The following MCUB variants were observed in gnomAD, a reference collection of about 807,000 sequenced individuals.
MCUB encodes calcium uniporter regulatory subunit MCUb, mitochondrial.
A neutral mutation model predicts 41.4 loss-of-function variants in MCUB; 46 were observed. That is an observed-to-expected ratio of 1.11 (90% CI 0.88 to 1.42). The LOEUF (loss-of-function observed/expected upper bound fraction) is 1.42. Ranked by LOEUF, MCUB falls within the 40% of genes most tolerant of loss-of-function variation. MCUB has a pLI of 0.00. For missense variants in MCUB, 403 were observed against 404.9 expected (o/e 1.00, Z 0.04); for synonymous variants, 148 against 148.2 (o/e 1.00, Z 0.01).
At position 109,598,196 on chromosome 4, in the gene MCUB, G is replaced by A. The variant is rs568790734; in HGVS notation, c.99+37760G>A. ...CTCCTCACTTCCCAGACGGGGTGGCGGCCGGGCAGAGGATGCAATCTCGGC... is the reference window on the plus strand; with the variant it reads ...CTCCTCACTTCCCAGACGGGGTGGCAGCCGGGCAGAGGATGCAATCTCGGC... On this transcript the variant is annotated intron_variant, in intron 1 of 7. Coordinates refer to ENST00000394650, the MANE Select transcript of MCUB (RefSeq NM_017918.5). 1.4e-4 allele frequency among the ~76,000 whole-genome samples: 21 copies of A among 149,346 alleles called. No homozygotes were observed. In the East Asian group the frequency reaches 4.0e-3, roughly 28 times the overall value.
At chr4:109,598,428 A>C (rs1727638115) in intron 1 of MCUB, among the ~76,000 whole-genome samples, 1 of 152,112 alleles carries the variant, frequency 6.6e-6, no homozygotes, top group South Asian at 2.1e-4. Context: ...CCCCGTCTCC[A>C]CCAAAAAAAA....
intron 4 of MCUB, among the ~76,000 whole-genome samples, chr4:109,672,491 C>G (rs960601812): frequency 6.6e-6 from 1 of 152,176 alleles, no homozygotes; most frequent in South Asian, 2.1e-4. Context: ...CTTCTTCTCC[C>G]AGTAAGCTAT....
intron 4 of MCUB, among the ~76,000 whole-genome samples, chr4:109,675,233 G>A (rs906526855): frequency 2.0e-5 from 3 of 152,224 alleles, no homozygotes; most frequent in South Asian, 2.1e-4. Flanking sequence ...TGAAAGAGCA[G>A]AGCCAAGGGC....
At chr4:109,629,423 A>G (rs1271258452) in intron 1 of MCUB, among the ~76,000 whole-genome samples, 5 of 152,126 alleles carry the variant, frequency 3.3e-5, no homozygotes, top group African/African-American at 1.2e-4. Flanking sequence ...TTGCATGGAG[A>G]TTTCTCACCA....
intron 1 of MCUB, among the ~76,000 whole-genome samples, chr4:109,651,405 A>G (rs1431852825): frequency 2.6e-5 from 4 of 152,178 alleles, no homozygotes; most frequent in Non-Finnish European, 5.9e-5. Flanking sequence ...CATTTCTCCA[A>G]GGAGGCTTGC....
intron 1 of MCUB, among the ~76,000 whole-genome samples, chr4:109,604,328 T>G (rs892694255): frequency 2.0e-4 from 30 of 152,202 alleles, no homozygotes; most frequent in Admixed American, 5.2e-4. Context: ...ACTATTGTCC[T>G]GTGACCCTGC....
chr4:109,613,395 G>A (rs1183466153), intron 1 of MCUB, among the ~76,000 whole-genome samples: 1 of 152,182 alleles, frequency 6.6e-6, no homozygotes, highest in African/African-American at 2.4e-5. Context: ...TGCAACTGTA[G>A]TCATTACAAG....
intron 4 of MCUB, among the ~76,000 whole-genome samples, chr4:109,679,054 G>A (rs1396845844): frequency 6.6e-6 from 1 of 151,318 alleles, no homozygotes; most frequent in Non-Finnish European, 1.5e-5. Context: ...CCCAGATGGG[G>A]CAGCCAGGCA....
Position 109,612,275 on chromosome 4 carries a change from T to TC in MCUB, c.100-46736_100-46735insC, listed in dbSNP as rs1479933642. ...TCCTCCTCCTTTTCTTTTTTTTTTT[T>TC]TTTTTTTGAGAGCGTCTCACTCAGC... is the stretch of plus-strand genomic sequence containing the variant. On this transcript the variant is annotated intron_variant, in intron 1 of 7. Coordinates refer to ENST00000394650, the MANE Select transcript of MCUB (RefSeq NM_017918.5). Among the ~76,000 whole-genome samples, 7 of 147,706 alleles carry TC rather than the reference T, an allele frequency of 4.7e-5. 1 individual carries two copies. Among genetic ancestry groups the TC allele is most frequent in the Non-Finnish European group, 7.5e-5 (5 of 66,890 alleles).
intron 1 of MCUB, among the ~76,000 whole-genome samples, chr4:109,623,521 G>C (rs1047342726): frequency 2.6e-5 from 4 of 152,190 alleles, no homozygotes; most frequent in Admixed American, 2.0e-4. Flanking sequence ...CACGATAATT[G>C]TGGATAATAA....
intron 1 of MCUB, among the ~76,000 whole-genome samples, chr4:109,584,889 A>G (rs758018235): frequency 4.6e-5 from 7 of 152,136 alleles, no homozygotes; most frequent in Non-Finnish European, 1.0e-4. Context: ...TCAATTTTGG[A>G]GTAAGTGTGA....
intron 1 of MCUB, among the ~76,000 whole-genome samples, chr4:109,593,380 G>C (rs1443223558): frequency 6.6e-6 from 1 of 152,200 alleles, no homozygotes; most frequent in Non-Finnish European, 1.5e-5. Context: ...TTTTCCCATG[G>C]AGTTGGGGAA....
chr4:109,579,395 G>T (rs1287334333), intron 1 of MCUB, among the ~76,000 whole-genome samples: 1 of 151,620 alleles, frequency 6.6e-6, no homozygotes, highest in Admixed American at 6.6e-5. Context: ...GACTACAGGC[G>T]CATGCCACCA....
Position 109,635,926 on chromosome 4 carries a change from T to C in MCUB, c.100-23085T>C, listed in dbSNP as rs77758163. Among the ~76,000 whole-genome samples the C allele has an allele frequency of 4.4e-3, 670 of 152,344 alleles. 8 individuals carry two copies. Among genetic ancestry groups the C allele is most frequent in the African/African-American group, 0.016 (653 of 41,578 alleles). On this transcript the variant is annotated intron_variant, in intron 1 of 7. Transcript: ENST00000394650. ...ACTTTGTTTGTCTTTTAAGAACATA[T>C]GCAATTAATTATTTTGGTTTACACT... is the stretch of plus-strand genomic sequence containing the variant.
intron 1 of MCUB, among the ~76,000 whole-genome samples, chr4:109,565,193 A>G (rs1726742507): frequency 6.6e-6 from 1 of 152,252 alleles, no homozygotes; most frequent in South Asian, 2.1e-4. Flanking sequence ...AGATGAAACT[A>G]TGAGTACTGT....
chr4:109,675,734 G>A (rs1729560999), intron 4 of MCUB, among the ~76,000 whole-genome samples: 1 of 152,184 alleles, frequency 6.6e-6, no homozygotes, highest in Non-Finnish European at 1.5e-5. Flanking sequence ...ATGAATAGAT[G>A]AATGCCATTT....
rs142026559 is a variant in MCUB at position 109,576,730 on chromosome 4, C to T, written c.99+16294C>T. Among the ~76,000 whole-genome samples the T allele has an allele frequency of 1.6e-4, 25 of 152,094 alleles. No homozygotes were observed. In the East Asian group the frequency reaches 3.5e-3, roughly 21 times the overall value. On this transcript the variant is annotated intron_variant, in intron 1 of 7. Coordinates refer to ENST00000394650, the MANE Select transcript of MCUB (RefSeq NM_017918.5). ...AAAGGATGATTCACAGAGATGTGGG[C>T]GCAGGGGAACCACTAGGGATGGTGT...
chr4:109,621,445 T>A (rs765221614), intron 1 of MCUB, among the ~76,000 whole-genome samples: 1 of 152,058 alleles, frequency 6.6e-6, no homozygotes, highest in Non-Finnish European at 1.5e-5. Flanking sequence ...TTACCCTGCA[T>A]ATTTGAGGAA....
chr4:109,659,017 C>T lies in MCUB; in HGVS notation c.106C>T (p.Arg36Cys), dbSNP rs867198846. 1.2e-5 allele frequency: 18 copies of T among 1,527,066 alleles called. No individual in the cohort carries two copies. Among genetic ancestry groups the T allele is most frequent in the Non-Finnish European group, 1.6e-5 (18 of 1,125,080 alleles). 94.6% of individuals were successfully genotyped at this position (1,527,066 alleles called of 1,614,324 possible). A position where few individuals can be genotyped will look rare whatever the true frequency, so the allele number is the denominator to read the frequency against. The change falls in exon 2 of 8, where the codon CGT becomes TGT. Residue 36 changes from arginine (R) to cysteine (C), a missense_variant. Coordinates refer to ENST00000394650, the MANE Select transcript of MCUB (RefSeq NM_017918.5). ...WPLPPPPQVL[R>C]VKLCGNVKYY... The stretch of plus-strand genomic sequence containing the variant: ...TAATTTTTCCTTCTTGTAGGTTTTG[C>T]GTGTGAAGCTGTGTGGAAATGTGAA...
Sources: allele counts gnomAD v4.1 joint callset (sites outside exome capture counted in the v4.1 genomes callset), GRCh38; gene constraint gnomAD v4.1.1; transcripts MANE v1.5; gene names NCBI Gene and HGNC (gene_info 2026-07-23, HGNC 2026-07-21).